PTK2: variants seen among roughly 807,000 people sequenced by gnomAD.
The protein encoded by PTK2 is protein tyrosine kinase 2.
PTK2 carries 45 observed loss-of-function variants against 150.1 expected under a neutral mutation model. The observed-to-expected ratio is 0.30, with a 90% CI of 0.24 to 0.38. The LOEUF (loss-of-function observed/expected upper bound fraction) is 0.38, where lower values mean the gene tolerates loss of function less well. Among genes scored for constraint, PTK2 ranks in the 10% least tolerant of loss-of-function variants. PTK2 has a pLI of 1.00. For synonymous variants in PTK2, 432 were observed against 449.2 expected (o/e 0.96, Z 0.48); for missense variants, 919 against 1,307.3 (o/e 0.70, Z 4.58).
At chr8:140,746,886 T>C in intron 17 of PTK2, 26 bp from the exon 21 acceptor site, 1 of 1,431,678 alleles carries the variant, frequency 7.0e-7, no homozygotes, top group Non-Finnish European at 9.5e-7. Context: ...TCCATAGTTA[T>C]TCTTTCTTTT....
chr8:140,828,463 T>A (rs1172901344), intron 8 of PTK2, among the ~76,000 whole-genome samples: 1 of 152,130 alleles, frequency 6.6e-6, no homozygotes, highest in African/African-American at 2.4e-5. Flanking sequence ...TGTATTGGAC[T>A]CCTAAATGAC....
intron 7 of PTK2, among the ~76,000 whole-genome samples, chr8:140,837,755 T>G (rs2100119646): frequency 7.0e-6 from 1 of 143,716 alleles, no homozygotes; most frequent in Admixed American, 7.1e-5. Flanking sequence ...ACAAAAAAAG[T>G]CATTTAGAAA....
chr8:140,748,045 G>T (rs1034753750), intron 17 of PTK2, among the ~76,000 whole-genome samples: 1 of 152,128 alleles, frequency 6.6e-6, no homozygotes, highest in South Asian at 2.1e-4. Context: ...CCTGAGTGTG[G>T]AGACTATGGT....
chr8:140,666,532 C>T (rs536796952), intron 30 of PTK2, among the ~76,000 whole-genome samples: 23 of 152,172 alleles, frequency 1.5e-4, no homozygotes, highest in Non-Finnish European at 2.5e-4. Context: ...CAAAATCACA[C>T]TTAGATACAC....
intron 29 of PTK2, among the ~76,000 whole-genome samples, chr8:140,670,524 CACACACACACACACAT>C (rs2095129681): frequency 8.0e-6 from 1 of 124,828 alleles, no homozygotes; most frequent in Non-Finnish European, 1.7e-5. Flanking sequence ...CACACACACA[CACACACACACACACAT>C]TGGGAGCTTA....
chr8:140,924,423 C>T (rs1039120659), intron 2 of PTK2, among the ~76,000 whole-genome samples: 11 of 152,134 alleles, frequency 7.2e-5, no homozygotes, highest in African/African-American at 2.7e-4. Context: ...ATGCAAGCTC[C>T]GTGACAGAAG....
chr8:140,754,589 C>A (rs2154527613), intron 16 of PTK2, among the ~76,000 whole-genome samples: 2 of 152,270 alleles, frequency 1.3e-5, no homozygotes, highest in Middle Eastern at 3.4e-3. Context: ...ATCAAATACT[C>A]AGTAAACATG....
At chr8:140,759,530 T>TAAAAAAAAAAA (rs761643170) in intron 16 of PTK2, among the ~76,000 whole-genome samples, 10 of 58,064 alleles carry the variant, frequency 1.7e-4, no homozygotes, top group East Asian at 1.1e-3. Context: ...GACCCTGTCC[T>TAAAAAAAAAAA]AAAAAAAAAA....
intron 3 of PTK2, among the ~76,000 whole-genome samples, chr8:140,887,731 A>G (rs997953329): frequency 3.9e-5 from 6 of 152,206 alleles, no homozygotes; most frequent in African/African-American, 9.7e-5. Flanking sequence ...GGTAAATTCA[A>G]TTTCAGTAAT....
intron 2 of PTK2, among the ~76,000 whole-genome samples, chr8:140,894,837 A>T (rs903242679): frequency 6.6e-6 from 1 of 152,162 alleles, no homozygotes; most frequent in Non-Finnish European, 1.5e-5. Context: ...ACATGAATAC[A>T]CCCTTATAAC....
intron 26 of PTK2, among the ~76,000 whole-genome samples, chr8:140,690,253 A>T (rs965039718): frequency 2.0e-4 from 31 of 152,140 alleles, no homozygotes; most frequent in Admixed American, 1.7e-3. Flanking sequence ...CGCCAGGCCA[A>T]CAGTTTCTAT....
At chr8:140,890,428 T>C in intron 3 of PTK2, 115 bp downstream of exon 3, 2 of 799,648 alleles carry the variant, frequency 2.5e-6, no homozygotes, top group Non-Finnish European at 3.8e-6. Context: ...ATTTCTGTAA[T>C]ATGAAAAGTC....
chr8:140,717,835 T>C (rs1355470896), intron 22 of PTK2, 126 bp from the exon 26 acceptor site: 3 of 678,922 alleles, frequency 4.4e-6, no homozygotes. Flanking sequence ...AAGGATCCTA[T>C]ACACAGGGGA....
At chr8:140,877,549 T>C (rs2100146373) in intron 4 of PTK2, among the ~76,000 whole-genome samples, 1 of 152,112 alleles carries the variant, frequency 6.6e-6, no homozygotes, top group Admixed American at 6.5e-5. Context: ...CTCCTAGGGT[T>C]TGGGGACAGT....
At chr8:140,672,077 G>C (rs2095594510) in intron 29 of PTK2, 1 of 417,258 alleles carries the variant, frequency 2.4e-6, no homozygotes. Flanking sequence ...AATGATGTCA[G>C]AATTCTAAGG....
At chr8:140,878,765 C>G (rs1200719937) in intron 4 of PTK2, among the ~76,000 whole-genome samples, 1 of 151,430 alleles carries the variant, frequency 6.6e-6, no homozygotes, top group African/African-American at 2.4e-5. Context: ...GTGAAAGAAG[C>G]CCATTTTTAC....
chr8:140,767,072 C>G (rs535154969), intron 14 of PTK2, among the ~76,000 whole-genome samples: 1 of 152,318 alleles, frequency 6.6e-6, no homozygotes, highest in Admixed American at 6.5e-5. Context: ...TTTGGTTTGA[C>G]AGCAGTCCTT....
At chr8:140,759,530 T>TAAAAAAA (rs761643170) in intron 16 of PTK2, among the ~76,000 whole-genome samples, 16 of 58,050 alleles carry the variant, frequency 2.8e-4, no homozygotes, top group African/African-American at 7.1e-4. Context: ...GACCCTGTCC[T>TAAAAAAA]AAAAAAAAAA....
At chr8:140,927,959 AAAAAAAAAAAAAAAAAAT>A (rs1400837502) in intron 1 of PTK2, among the ~76,000 whole-genome samples, 22 of 29,756 alleles carry the variant, frequency 7.4e-4, no homozygotes, top group African/African-American at 2.9e-3. Context: ...AAAAAAAAAG[AAAAAAAAAAAAAAAAAAT>A]ATATATATAT....
Sources: allele counts gnomAD v4.1 joint callset (sites outside exome capture counted in the v4.1 genomes callset), GRCh38; gene constraint gnomAD v4.1.1; transcripts MANE v1.5; gene names NCBI Gene and HGNC (gene_info 2026-07-23, HGNC 2026-07-21).